Variants in NFYC observed in about 807,000 individuals in gnomAD.
The protein encoded by NFYC is nuclear transcription factor Y subunit gamma, also known as CAAT box DNA-binding protein subunit C.
A neutral mutation model predicts 53.1 loss-of-function variants in NFYC; 25 were observed. The ratio of observed to expected loss-of-function variants is 0.47; its 90% confidence interval spans 0.34 to 0.66. The LOEUF is 0.66. Ranked by LOEUF, NFYC falls within the 30% of genes least tolerant of loss-of-function variation. The probability of loss-of-function intolerance (pLI) is 0.01; values close to 1 mark genes in which losing one functional copy is unlikely to be tolerated. For synonymous variants in NFYC, 145 were observed against 152.6 expected (o/e 0.95, Z 0.37); for missense variants, 260 against 422.7 (o/e 0.62, Z 3.38).
chr1:40,719,058 G>A (rs574621998), intron 1 of NFYC, among the ~76,000 whole-genome samples: 1 of 152,270 alleles, frequency 6.6e-6, no homozygotes, highest in African/African-American at 2.4e-5. Flanking sequence ...TTTTAGTAGA[G>A]ACGGGGTTTC....
chr1:40,721,570 G>GT (rs57312370), intron 1 of NFYC: 46,954 of 150,630 alleles, frequency 0.31, 7,923 homozygotes, highest in East Asian at 0.41. Flanking sequence ...TTTTTTTGGG[G>GT]TTTTTTTTTG....
At chr1:40,698,447 G>C (rs890049296) in intron 1 of NFYC, among the ~76,000 whole-genome samples, 1 of 151,646 alleles carries the variant, frequency 6.6e-6, no homozygotes, top group South Asian at 2.1e-4. Context: ...TTATTTATTT[G>C]CTGGAGTCTT....
intron 6 of NFYC, among the ~76,000 whole-genome samples, chr1:40,762,367 G>A (rs752474049): frequency 3.9e-5 from 6 of 152,168 alleles, no homozygotes; most frequent in South Asian, 2.1e-4. Flanking sequence ...GAGAGCCAGC[G>A]TGCACTAGGG....
At chr1:40,693,650 G>GT (rs1642965915) in intron 1 of NFYC, among the ~76,000 whole-genome samples, 1 of 152,218 alleles carries the variant, frequency 6.6e-6, no homozygotes, top group Non-Finnish European at 1.5e-5. Flanking sequence ...GGATCAGAGA[G>GT]TTTAAGTAGC....
At chr1:40,767,049 A>C (rs1570751827) in intron 8 of NFYC, 2 of 1,421,378 alleles carry the variant, frequency 1.4e-6, no homozygotes, top group East Asian at 2.5e-5. Context: ...CTTTAAACCC[A>C]AGTGGCTGTT....
intron 1 of NFYC, 61 bp downstream of exon 1, chr1:40,691,928 G>A (rs960409208): frequency 3.0e-6 from 1 of 338,224 alleles, no homozygotes. Flanking sequence ...CGGGGGGAGG[G>A]GCAGCGCTTC....
chr1:40,767,048 C>A, intron 8 of NFYC: 2 of 1,425,426 alleles, frequency 1.4e-6, no homozygotes, highest in Non-Finnish European at 1.9e-6. Flanking sequence ...TCTTTAAACC[C>A]AAGTGGCTGT....
rs998840744 is a variant in NFYC at position 40,738,821 on chromosome 1, T to C, written c.-8-15T>C. 25 of 1,575,836 alleles carry C rather than the reference T, an allele frequency of 1.6e-5. No individual in the cohort carries two copies. Among genetic ancestry groups the C allele is most frequent in the Non-Finnish European group, 2.0e-5 (23 of 1,145,408 alleles). ...TATTGTTTCTAATGTGTCTTATGTA[T>C]GTGTTTATTTTCAGTTGTCGAGATG... On this transcript the variant is annotated splice_polypyrimidine_tract_variant and intron_variant, in intron 1 of 9. Coordinates refer to ENST00000447388, the MANE Select transcript of NFYC (RefSeq NM_014223.5).
chr1:40,764,807 C>T (rs1446841950), intron 7 of NFYC, among the ~76,000 whole-genome samples: 3 of 152,164 alleles, frequency 2.0e-5, no homozygotes, highest in Non-Finnish European at 2.9e-5. Context: ...CCAGACCTGT[C>T]CTGCTGTAGA....
intron 6 of NFYC, among the ~76,000 whole-genome samples, chr1:40,760,063 C>G (rs901050744): frequency 3.3e-5 from 5 of 152,202 alleles, no homozygotes; most frequent in African/African-American, 1.2e-4. Flanking sequence ...TCAAGCAGTC[C>G]TTCTGCCTCA....
chr1:40,766,773 G>T (rs530337202), intron 8 of NFYC, 70 bp downstream of exon 8: 2 of 1,522,070 alleles, frequency 1.3e-6, no homozygotes, highest in Non-Finnish European at 9.1e-7. Flanking sequence ...GGAAAGGAGC[G>T]CTCAGCACAC....
chr1:40,769,309 C>T (rs1172944849), intron 8 of NFYC, 47 bp from the exon 9 acceptor site: 1 of 1,590,046 alleles, frequency 6.3e-7, no homozygotes, highest in South Asian at 1.1e-5. Flanking sequence ...GCTGGTGGAT[C>T]AGACCCTGCA....
chr1:40,718,524 A>G (rs575060327), intron 1 of NFYC, among the ~76,000 whole-genome samples: 1 of 152,366 alleles, frequency 6.6e-6, no homozygotes, highest in South Asian at 2.1e-4. Flanking sequence ...CGTAAAGGGA[A>G]CAAACATACA....
chr1:40,746,420 A>C (rs1057115259), intron 2 of NFYC, among the ~76,000 whole-genome samples: 5 of 152,180 alleles, frequency 3.3e-5, no homozygotes, highest in Non-Finnish European at 7.4e-5. Context: ...TTTTTTTGAC[A>C]TATATTTGAG....
chr1:40,770,273 T>G lies in NFYC; in HGVS notation c.889-436T>G. 7.4e-6 allele frequency: 7 copies of G among 945,944 alleles called. No homozygotes were observed. Among genetic ancestry groups the G allele is most frequent in the Non-Finnish European group, 9.3e-6 (6 of 646,278 alleles). The allele number at this position is 945,944 out of a possible 1,614,324, so 58.6% of individuals were successfully genotyped here. On this transcript the variant is annotated intron_variant, in intron 9 of 9. Transcript: ENST00000447388. The surrounding 1 kb of genome is among the most constrained non-coding windows in gnomAD (Gnocchi z 5.3). ...TAGTTTCAACCTGAGCCAGATATTC[T>G]GAGAAAAGAAGGAGAGGAGGGGGTA...
chr1:40,699,862 C>T (rs1643345204), intron 1 of NFYC, among the ~76,000 whole-genome samples: 1 of 152,118 alleles, frequency 6.6e-6, no homozygotes, highest in Non-Finnish European at 1.5e-5. Flanking sequence ...AAAAAATGGC[C>T]AAAGTGAAAT....
chr1:40,766,501 G>A, intron 7 of NFYC, 95 bp from the exon 8 acceptor site: 1 of 897,520 alleles, frequency 1.1e-6, no homozygotes, highest in Non-Finnish European at 1.7e-6. Flanking sequence ...GGCTTGAGGG[G>A]TAGGGGGCAA....
chr1:40,749,321 G>C (rs1389408035), intron 3 of NFYC, among the ~76,000 whole-genome samples: 1 of 152,084 alleles, frequency 6.6e-6, no homozygotes, highest in African/African-American at 2.4e-5. Context: ...TAGTTTCTTT[G>C]AAAGGCTATT....
chr1:40,758,950 T>G lies in NFYC; in HGVS notation c.561+656T>G, dbSNP rs192713784. ...TGAGGGTAAAGTTCTGTGCTATGTA[T>G]TGGGGATACAAGCATGAATAAAACA... On this transcript the variant is annotated intron_variant, in intron 6 of 9. Transcript: ENST00000447388. 2.7e-3 allele frequency among the ~76,000 whole-genome samples: 417 copies of G among 152,326 alleles called. 3 individuals are homozygous for G. The highest frequency in any genetic ancestry group is 9.5e-3 in the African/African-American group (394 of 41,576).
Sources: gnomAD v4.1 joint callset for allele counts (sites outside exome capture counted in the v4.1 genomes callset) on GRCh38, gnomAD v4.1.1 for gene constraint, Gnocchi (gnomAD v3.1) non-coding constraint, MANE v1.5 for transcripts, NCBI Gene and HGNC (gene_info 2026-07-23, HGNC 2026-07-21) for gene names.